Variants in KDM4A observed in about 807,000 individuals in gnomAD.
The protein encoded by KDM4A is lysine-specific demethylase 4A.
A neutral mutation model predicts 127.1 loss-of-function variants in KDM4A; 23 were observed. The observed-to-expected ratio is 0.18, with a 90% CI of 0.13 to 0.26. The LOEUF (loss-of-function observed/expected upper bound fraction) is 0.26, where lower values mean the gene tolerates loss of function less well. Ranked by LOEUF, KDM4A falls within the 10% of genes least tolerant of loss-of-function variation. The pLI is 1.00. For missense variants in KDM4A, 890 were observed against 1,329.1 expected (o/e 0.67, Z 5.14); for synonymous variants, 443 against 466.5 (o/e 0.95, Z 0.65).
intron 11 of KDM4A, among the ~76,000 whole-genome samples, chr1:43,676,232 A>G (rs1410617683): frequency 1.3e-5 from 2 of 152,114 alleles, no homozygotes; most frequent in Non-Finnish European, 2.9e-5. Flanking sequence ...TGAGGCTGCA[A>G]TGAGCCGTGA....
intron 11 of KDM4A, among the ~76,000 whole-genome samples, chr1:43,682,594 C>T (rs1009633446): frequency 6.6e-6 from 1 of 152,194 alleles, no homozygotes; most frequent in Non-Finnish European, 1.5e-5. Flanking sequence ...GGCCTTTGCA[C>T]ACAGTAGGTG....
chr1:43,690,426 T>G (rs962660839), intron 13 of KDM4A, among the ~76,000 whole-genome samples: 10 of 152,206 alleles, frequency 6.6e-5, no homozygotes, highest in African/African-American at 1.9e-4. Flanking sequence ...TTTTGGATTC[T>G]TAGTACAGAC....
chr1:43,692,282 A>G lies in KDM4A; in HGVS notation c.2346A>G (p.Gly782=), dbSNP rs1661135651. The G allele has an allele frequency of 6.2e-7, 1 of 1,613,958 alleles. No homozygotes were observed. The highest frequency in any genetic ancestry group is 1.1e-5 in the South Asian group (1 of 91,074). ...EEDCCLCSLR[G]GALQRANDDR... The stretch of plus-strand genomic sequence containing the variant: ...ACTGCTGTTTATGCTCATTACGAGG[A>G]GGGGCCCTGCAGAGAGCAAATGATG... The change falls in exon 16 of 22, where the codon GGA becomes GGG. Residue 782 remains glycine, a synonymous_variant. Transcript: ENST00000372396.
In KDM4A at chr1:43,660,153, G is replaced by A. The variant is rs190550788; in HGVS notation, c.315-145G>A. On this transcript the variant is annotated intron_variant, in intron 3 of 21. Transcript: ENST00000372396. ...GAAGGGACGTTGAGGGACTGACTAC[G>A]TATTAGAGCCTTGAAGGCCAAGATT... 3.7e-3 allele frequency: 3,025 copies of A among 828,606 alleles called. 9 individuals carry two copies. The highest frequency in any genetic ancestry group is 9.7e-3 in the South Asian group (610 of 62,954). The allele number at this position is 828,606 out of a possible 1,614,324, so 51.3% of individuals were successfully genotyped here.
chr1:43,655,801 C>G lies in KDM4A; in HGVS notation c.314+35C>G, dbSNP rs768810204. ...AACCCTTTCTTACCTGACATAGCAC[C>G]TAGGACCCTGGTGTCTCATCCTCCT... On this transcript the variant is annotated intron_variant, in intron 3 of 21. Coordinates refer to ENST00000372396, the MANE Select transcript of KDM4A (RefSeq NM_014663.3). 7 of 1,560,672 alleles carry G rather than the reference C, an allele frequency of 4.5e-6. No homozygotes were observed. The Admixed American group carries it at 1.1e-4, about 24-fold the overall frequency.
At chr1:43,651,030 C>G (rs1376840140) in intron 1 of KDM4A, among the ~76,000 whole-genome samples, 1 of 152,124 alleles carries the variant, frequency 6.6e-6, no homozygotes, top group Non-Finnish European at 1.5e-5. Context: ...CAACAGTTAC[C>G]GATTGCCTAC....
chr1:43,691,669 G>C lies in KDM4A; in HGVS notation c.2319+97G>C, dbSNP rs537628431. 129 of 1,043,460 alleles carry C rather than the reference G, an allele frequency of 1.2e-4. 1 individual carries two copies. The East Asian group carries it at 2.9e-3, about 24-fold the overall frequency. 64.6% of individuals were successfully genotyped at this position (1,043,460 alleles called of 1,614,324 possible). On this transcript the variant is annotated intron_variant, in intron 15 of 21. Transcript: ENST00000372396. ...TTGGACTCAGTATTCCCAGCAGTCT[G>C]CATAGGGTCTGGTACGCGGTGATGT...
At chr1:43,690,378 G>T (rs1358828887) in intron 13 of KDM4A, among the ~76,000 whole-genome samples, 6 of 151,944 alleles carry the variant, frequency 3.9e-5, no homozygotes, top group Non-Finnish European at 8.8e-5. Flanking sequence ...CTGGAGTGCA[G>T]CTGGGACTAC....
At chr1:43,697,159 C>G (rs146137839) in intron 18 of KDM4A, among the ~76,000 whole-genome samples, 3 of 152,176 alleles carry the variant, frequency 2.0e-5, no homozygotes, top group African/African-American at 7.2e-5. Context: ...TGGGTGGCAG[C>G]ACATATGGCA....
rs1261083781 is a variant in KDM4A, at chr1:43,688,305, G to T, written c.1856-609G>T. Among the ~76,000 whole-genome samples the T allele has an allele frequency of 6.6e-6, 1 of 152,208 alleles. No individual in the cohort carries two copies. The highest frequency in any genetic ancestry group is 2.4e-5 in the African/African-American group (1 of 41,444). ...TTGCCAGCGTCAGGCATCACATCTT[G>T]TGGCTGGGAAGAGGATTCATCTTGG... is the stretch of plus-strand genomic sequence containing the variant. On this transcript the variant is annotated intron_variant, in intron 12 of 21. Coordinates refer to ENST00000372396, the MANE Select transcript of KDM4A (RefSeq NM_014663.3). The surrounding 1 kb of genome is among the most constrained non-coding windows in gnomAD (Gnocchi z 4.4).
rs954429007 is a variant in KDM4A, at chr1:43,688,634, T to C, written c.1856-280T>C. Among the ~76,000 whole-genome samples, 1 of 151,732 alleles carries C rather than the reference T, an allele frequency of 6.6e-6. No individual in the cohort carries two copies. The highest frequency in any genetic ancestry group is 2.4e-5 in the African/African-American group (1 of 41,290). On this transcript the variant is annotated intron_variant, in intron 12 of 21. Coordinates refer to ENST00000372396, the MANE Select transcript of KDM4A (RefSeq NM_014663.3). This position sits in a 1 kb window ranked among gnomAD's most constrained non-coding sequence, Gnocchi z 4.4. ...GAATGTGGCAGCTGTTAAGGGAGAG[T>C]AGAGCAAGCTGAGCTCGTGGGGCAG...
chr1:43,671,425 T>G (rs1660614792), intron 10 of KDM4A, 80 bp from the exon 11 acceptor site: 24 of 1,444,460 alleles, frequency 1.7e-5, no homozygotes, highest in Non-Finnish European at 2.2e-5. Context: ...CCATGTTCCT[T>G]GTGCTTTGCC....
At chr1:43,669,372 G>C in intron 10 of KDM4A, 73 bp downstream of exon 10, 1 of 1,443,994 alleles carries the variant, frequency 6.9e-7, no homozygotes, top group Non-Finnish European at 9.7e-7. Flanking sequence ...CATATTGAGT[G>C]CTGGGTCAGA....
Position 43,694,562 on chromosome 1 carries a change from G to A in KDM4A, c.2485-147G>A. The A allele has an allele frequency of 1.6e-6, 1 of 613,564 alleles. No individual in the cohort carries two copies. The highest frequency in any genetic ancestry group is 2.6e-5 in the South Asian group (1 of 38,538). The allele number at this position is 613,564 out of a possible 1,614,324, so 38.0% of individuals were successfully genotyped here. ...TCCTTGGCAGATAAAGTTGTAACCA[G>A]ACCTGGATTAGAGCAGGCTGGTGTG... On this transcript the variant is annotated intron_variant, in intron 17 of 21. Coordinates refer to ENST00000372396, the MANE Select transcript of KDM4A (RefSeq NM_014663.3). This position sits in a 1 kb window ranked among gnomAD's most constrained non-coding sequence, Gnocchi z 5.2.
chr1:43,693,265 C>T lies in KDM4A; in HGVS notation c.2376-729C>T, dbSNP rs1454183649. Among the ~76,000 whole-genome samples the T allele has an allele frequency of 6.6e-6, 1 of 152,196 alleles. No homozygotes were observed. Among genetic ancestry groups the T allele is most frequent in the Non-Finnish European group, 1.5e-5 (1 of 68,026 alleles). The stretch of plus-strand genomic sequence containing the variant: ...GGGCCACACAGAACAAATCTGTTCC[C>T]ACTCTAAAAAGACAGCCCCACTAGA... On this transcript the variant is annotated intron_variant, in intron 16 of 21. Coordinates refer to ENST00000372396, the MANE Select transcript of KDM4A (RefSeq NM_014663.3). This position sits in a 1 kb window ranked among gnomAD's most constrained non-coding sequence, Gnocchi z 4.2.
intron 10 of KDM4A, 112 bp downstream of exon 10, chr1:43,669,411 G>T: frequency 9.6e-7 from 1 of 1,046,670 alleles, no homozygotes; most frequent in Non-Finnish European, 1.5e-6. Flanking sequence ...ACAGGTCCGT[G>T]AGCAGATAGC....
At chr1:43,682,931 G>C (rs1253535980) in intron 11 of KDM4A, among the ~76,000 whole-genome samples, 1 of 152,230 alleles carries the variant, frequency 6.6e-6, no homozygotes, top group Non-Finnish European at 1.5e-5. Context: ...GTATAACCAA[G>C]TTTTAAATAC....
rs1660909200 is a variant in KDM4A at position 43,683,721 on chromosome 1, A to T, written c.1772A>T (p.Lys591Met). ...DEYMFSLEEN[K>M]KSKGRRQPLS... ...TACATGTTTTCCCTAGAAGAGAATA[A>T]GAAGTCCAAGGGACGCCGTCAGCCT... is the stretch of plus-strand genomic sequence containing the variant. The change falls in exon 12 of 22, where the codon AAG (lysine) becomes ATG (methionine). Residue 591 changes from lysine to methionine, a missense_variant. Lys to Met is a moderately conservative substitution (Grantham distance 95, BLOSUM62 -1). Around this residue, in one of 7 missense-constraint regions of KDM4A, gnomAD observed 389 missense variants for 485.9 expected, o/e 0.80. Coordinates refer to ENST00000372396, the MANE Select transcript of KDM4A (RefSeq NM_014663.3). The T allele has an allele frequency of 1.2e-6, 2 of 1,614,092 alleles. No individual in the cohort carries two copies. The highest frequency in any genetic ancestry group is 1.7e-6 in the Non-Finnish European group (2 of 1,179,986).
At chr1:43,696,046 G>C (rs1661232179) in intron 18 of KDM4A, among the ~76,000 whole-genome samples, 1 of 152,150 alleles carries the variant, frequency 6.6e-6, no homozygotes, top group South Asian at 2.1e-4. Flanking sequence ...TAACTGTGAG[G>C]GTAAAGATTT....
Sources: allele counts gnomAD v4.1 joint callset (sites outside exome capture counted in the v4.1 genomes callset), GRCh38; gene constraint gnomAD v4.1.1; regional missense constraint gnomAD v4.1.1; non-coding constraint Gnocchi (gnomAD v3.1); transcripts MANE v1.5; gene names NCBI Gene and HGNC (gene_info 2026-07-23, HGNC 2026-07-21).